The following RIMKLB variants were observed in gnomAD, a reference collection of about 807,000 sequenced individuals.
RIMKLB encodes the protein ribosomal modification protein rimK like family member B.
RIMKLB carries 7 observed loss-of-function variants against 32.0 expected under a neutral mutation model. The observed-to-expected ratio is 0.22, with a 90% CI of 0.12 to 0.41. The LOEUF (loss-of-function observed/expected upper bound fraction) is 0.41, where lower values mean the gene tolerates loss of function less well. RIMKLB is among the 10% of genes least tolerant of loss of function. RIMKLB has a pLI of 1.00. For synonymous variants in RIMKLB, 172 were observed against 185.1 expected (o/e 0.93, Z 0.57); for missense variants, 289 against 498.7 (o/e 0.58, Z 4.00).
At chr12:8,757,169 G>A (rs1486393849) in intron 5 of RIMKLB, among the ~76,000 whole-genome samples, 1 of 152,008 alleles carries the variant, frequency 6.6e-6, no homozygotes, top group African/African-American at 2.4e-5. Context: ...CATAGTTCAG[G>A]CAAAAGGAAC....
intron 2 of RIMKLB, among the ~76,000 whole-genome samples, chr12:8,740,603 T>C (rs976375685): frequency 6.6e-6 from 1 of 152,256 alleles, no homozygotes; most frequent in Non-Finnish European, 1.5e-5. Flanking sequence ...TTGACTTTTC[T>C]TTCCTGAATT....
chr12:8,782,182 AATTT>A (rs1196359486), downstream of RIMKLB, among the ~76,000 whole-genome samples: 2 of 152,072 alleles, frequency 1.3e-5, no homozygotes, highest in African/African-American at 2.4e-5. Context: ...TTTTTTCTGT[AATTT>A]ATTGTTAAGT....
At chr12:8,691,782 T>G (rs1303496293) in intron 1 of RIMKLB, among the ~76,000 whole-genome samples, 1 of 152,148 alleles carries the variant, frequency 6.6e-6, no homozygotes, top group Non-Finnish European at 1.5e-5. Context: ...GCAAGGCAGA[T>G]CAGGATAATT....
At chr12:8,734,248 T>A (rs1248518753) in intron 2 of RIMKLB, among the ~76,000 whole-genome samples, 1 of 152,202 alleles carries the variant, frequency 6.6e-6, no homozygotes, top group African/African-American at 2.4e-5. Flanking sequence ...TAATTTGACC[T>A]AATTATTGCC....
chr12:8,746,086 T>C (rs1000006522), intron 2 of RIMKLB, among the ~76,000 whole-genome samples: 15 of 151,874 alleles, frequency 9.9e-5, no homozygotes, highest in Non-Finnish European at 2.2e-4. Context: ...ACATTTCAAG[T>C]ACAGTAATTC....
chr12:8,714,978 A>G (rs1186597380), intron 2 of RIMKLB, among the ~76,000 whole-genome samples: 1 of 152,202 alleles, frequency 6.6e-6, no homozygotes, highest in Non-Finnish European at 1.5e-5. Flanking sequence ...TGCAAAGTAC[A>G]ATAAAATCTT....
Position 8,777,038 on chromosome 12 carries a change from G to A in RIMKLB, c.*3254G>A. The A allele has an allele frequency of 1.0e-6, 1 of 985,764 alleles. No homozygotes were observed. Among genetic ancestry groups the A allele is most frequent in the Non-Finnish European group, 1.2e-6 (1 of 829,936 alleles). 61.1% of individuals were successfully genotyped at this position (985,764 alleles called of 1,614,324 possible). A position where few individuals can be genotyped will look rare whatever the true frequency, so the allele number is the denominator to read the frequency against. On this transcript the variant is annotated 3_prime_UTR_variant, in exon 6 of 6. Coordinates refer to ENST00000535829, the MANE Select transcript of RIMKLB (RefSeq NM_001297776.2). ...GGTTTATGGGCTATTTGGCTGGTGA[G>A]ACACGATCCCCTCCTAAGAAAATGT...
intron 1 of RIMKLB, among the ~76,000 whole-genome samples, chr12:8,684,987 T>C (rs1258456684): frequency 6.6e-6 from 1 of 152,256 alleles, no homozygotes; most frequent in Non-Finnish European, 1.5e-5. Context: ...TTTTTGTATG[T>C]AAACCTTTTA....
chr12:8,782,960 AATGG>A (rs1405925234), exon 8 of RIMKLB: 46 of 152,276 alleles, frequency 3.0e-4, no homozygotes, highest in African/African-American at 1.0e-3. Flanking sequence ...TCATCAACAG[AATGG>A]ATGAAGATAG....
intron 2 of RIMKLB, among the ~76,000 whole-genome samples, chr12:8,719,125 CT>C (rs1945182669): frequency 6.6e-6 from 1 of 152,058 alleles, no homozygotes; most frequent in Non-Finnish European, 1.5e-5. Context: ...ACAGTTTTGC[CT>C]TTTCTAGAAT....
At chr12:8,758,163 G>A (rs980184658) in intron 5 of RIMKLB, among the ~76,000 whole-genome samples, 1 of 151,432 alleles carries the variant, frequency 6.6e-6, no homozygotes, top group Non-Finnish European at 1.5e-5. Flanking sequence ...TTTTTTTAGT[G>A]CATATTCTGG....
At chr12:8,744,240 C>T (rs977624988) in intron 2 of RIMKLB, among the ~76,000 whole-genome samples, 1 of 151,940 alleles carries the variant, frequency 6.6e-6, no homozygotes, top group African/African-American at 2.4e-5. Flanking sequence ...CCTTGGATCA[C>T]TTCTGTTTTC....
At chr12:8,758,785 G>A (rs1949289517) in intron 5 of RIMKLB, among the ~76,000 whole-genome samples, 1 of 152,136 alleles carries the variant, frequency 6.6e-6, no homozygotes, top group African/African-American at 2.4e-5. Context: ...TTATTGAATA[G>A]TCTGTTTATT....
intron 2 of RIMKLB, among the ~76,000 whole-genome samples, chr12:8,724,813 G>A (rs763270910): frequency 6.6e-6 from 1 of 152,150 alleles, no homozygotes; most frequent in African/African-American, 2.4e-5. Context: ...GGGATATGGT[G>A]CTGTGGGGAA....
rs982747575 is a variant in RIMKLB, at chr12:8,773,526, C to G, written c.903C>G (p.Asp301Glu). The G allele has an allele frequency of 1.2e-6, 2 of 1,614,136 alleles. No individual in the cohort carries two copies. The highest frequency in any genetic ancestry group is 8.5e-7 in the Non-Finnish European group (1 of 1,180,052). Residue 301 changes from aspartate (D) to glutamate (E), a missense_variant, in exon 6 of 6, where the codon GAC becomes GAG. This residue lies in a region of RIMKLB where 99 missense variants were observed against 133.9 expected (regional missense o/e 0.74). Transcript: ENST00000535829. Reference protein sequence around the residue: ...CNLDVAGIIADYAASLLPSGR... With the variant: ...CNLDVAGIIAEYAASLLPSGR... ...TAGATGTAGCTGGTATCATAGCAGACTATGCCGCCTCCCTTCTACCCTCTG... is the reference window on the plus strand; with the variant it reads ...TAGATGTAGCTGGTATCATAGCAGAGTATGCCGCCTCCCTTCTACCCTCTG...
At chr12:8,736,529 T>C (rs1175774174) in intron 2 of RIMKLB, among the ~76,000 whole-genome samples, 1 of 150,856 alleles carries the variant, frequency 6.6e-6, no homozygotes, top group Non-Finnish European at 1.5e-5. Context: ...TTTTTTTTTT[T>C]TTTTTTTGAC....
chr12:8,752,193 A>G (rs1948669122), intron 4 of RIMKLB, 150 bp downstream of exon 4: 2 of 563,520 alleles, frequency 3.5e-6, no homozygotes, highest in South Asian at 5.3e-5. Flanking sequence ...CAGTTTGGCT[A>G]AAAGCTATTT....
rs1950664018 is a variant in RIMKLB at position 8,775,236 on chromosome 12, TTTTG to T, written c.*1457_*1460del. The stretch of plus-strand genomic sequence containing the variant: ...TTGGGATTGGGGGTGGGTTGGATGT[TTTTG>T]TTTGGGGACTTATTTAGTAGTATTG... On this transcript the variant is annotated 3_prime_UTR_variant, in exon 6 of 6. Transcript: ENST00000535829. 1 of 985,782 alleles carries T rather than the reference TTTTG, an allele frequency of 1.0e-6. No homozygotes were observed. The highest frequency in any genetic ancestry group is 1.2e-6 in the Non-Finnish European group (1 of 829,886). 61.1% of individuals were successfully genotyped at this position (985,782 alleles called of 1,614,324 possible).
At chr12:8,713,178 C>G (rs1265173709) in intron 1 of RIMKLB, among the ~76,000 whole-genome samples, 1 of 152,108 alleles carries the variant, frequency 6.6e-6, no homozygotes, top group Admixed American at 6.6e-5. Flanking sequence ...GTGAATAGAC[C>G]TGGACATTTA....
Sources: gnomAD v4.1 joint callset for allele counts (sites outside exome capture counted in the v4.1 genomes callset) on GRCh38, gnomAD v4.1.1 for gene constraint, gnomAD v4.1.1 regional missense constraint, MANE v1.5 for transcripts, NCBI Gene and HGNC (gene_info 2026-07-23, HGNC 2026-07-21) for gene names.